The following CCDC170 variants were observed in gnomAD, a reference collection of about 807,000 sequenced individuals.
The protein encoded by CCDC170 is coiled-coil domain-containing protein 170.
A neutral mutation model predicts 72.6 loss-of-function variants in CCDC170; 69 were observed. The observed-to-expected ratio is 0.95, with a 90% CI of 0.78 to 1.16. CCDC170 has a LOEUF of 1.16. Ranked by LOEUF, CCDC170 falls within the 50% of genes most tolerant of loss-of-function variation. The probability of loss-of-function intolerance (pLI) is 0.00; values close to 1 mark genes in which losing one functional copy is unlikely to be tolerated. For synonymous variants in CCDC170, 300 were observed against 303.9 expected (o/e 0.99, Z 0.13); for missense variants, 852 against 832.5 (o/e 1.02, Z -0.29).
intron 1 of CCDC170, among the ~76,000 whole-genome samples, chr6:151,525,086 CTG>C (rs1375284611): frequency 5.3e-5 from 8 of 152,112 alleles, no homozygotes; most frequent in Non-Finnish European, 8.8e-5. Context: ...GTGCCCGCCA[CTG>C]CACCCAGCTA....
At chr6:151,557,086 A>G (rs58897627) in intron 5 of CCDC170, among the ~76,000 whole-genome samples, 7,924 of 152,200 alleles carry the variant, frequency 0.052, 299 homozygotes, top group East Asian at 0.21. Flanking sequence ...GTTTAATAGT[A>G]TTCCATTGTG....
chr6:151,598,656 A>G (rs1373084974), intron 9 of CCDC170, among the ~76,000 whole-genome samples: 2 of 152,208 alleles, frequency 1.3e-5, no homozygotes, highest in Non-Finnish European at 2.9e-5. Context: ...TAAAATCACA[A>G]GGACTTTCCT....
intron 5 of CCDC170, among the ~76,000 whole-genome samples, chr6:151,553,731 TA>T (rs977574171): frequency 0.015 from 2,159 of 147,856 alleles, 55 homozygotes; most frequent in African/African-American, 0.049. Context: ...ATAAAAATTG[TA>T]AAAAAAAAAA....
intron 6 of CCDC170, among the ~76,000 whole-genome samples, chr6:151,585,633 T>G (rs904152408): frequency 6.6e-6 from 1 of 152,198 alleles, no homozygotes; most frequent in Non-Finnish European, 1.5e-5. Context: ...TATCCATAAA[T>G]TTTTATTGAT....
chr6:151,617,663 G>T (rs192668719), intron 10 of CCDC170, among the ~76,000 whole-genome samples: 1 of 152,084 alleles, frequency 6.6e-6, no homozygotes, highest in Admixed American at 6.5e-5. Context: ...AGTGAGGTCT[G>T]GGTCTCATTC....
intron 7 of CCDC170, among the ~76,000 whole-genome samples, chr6:151,586,788 T>G (rs1455475505): frequency 6.6e-6 from 1 of 152,044 alleles, no homozygotes; most frequent in African/African-American, 2.4e-5. Context: ...TTATGTTTAT[T>G]ATTTCTATTT....
In CCDC170 at chr6:151,494,345, G is replaced by A. The variant is rs555165727; in HGVS notation, c.57+160G>A. Among the ~76,000 whole-genome samples the A allele has an allele frequency of 4.6e-5, 7 of 152,340 alleles. No homozygotes were observed. In the East Asian group the frequency reaches 1.4e-3, roughly 29 times the overall value. ...AGGGCTGTGGCCTGGGACTGCCAGG[G>A]CGCTGATTTCAGGAGGGGATGGGCA... On this transcript the variant is annotated intron_variant, in intron 1 of 10. Transcript: ENST00000239374.
intron 1 of CCDC170, among the ~76,000 whole-genome samples, chr6:151,529,485 CG>C (rs1353447890): frequency 2.6e-5 from 4 of 152,022 alleles, no homozygotes; most frequent in African/African-American, 9.6e-5. Flanking sequence ...GGTGAAACCC[CG>C]TCTCCACTAA....
In CCDC170 at chr6:151,520,926, G is replaced by T. The variant is rs568938985; in HGVS notation, c.58-15392G>T. On this transcript the variant is annotated intron_variant, in intron 1 of 10. Coordinates refer to ENST00000239374, the MANE Select transcript of CCDC170 (RefSeq NM_025059.4). ...TGATTTGAGTAATAAGAAAACTCTG[G>T]TCTCCTGCACAACCAGCTCTGCATG... Among the ~76,000 whole-genome samples the T allele has an allele frequency of 2.8e-4, 43 of 152,210 alleles. 1 individual carries two copies. The highest frequency in any genetic ancestry group is 8.7e-4 in the African/African-American group (36 of 41,532).
chr6:151,597,357 A>G (rs1210698117), intron 9 of CCDC170, among the ~76,000 whole-genome samples: 1 of 151,826 alleles, frequency 6.6e-6, no homozygotes, highest in Non-Finnish European at 1.5e-5. Flanking sequence ...CCAACTTCTG[A>G]CCTCAAGTGA....
chr6:151,586,025 A>C lies in CCDC170; in HGVS notation c.1229A>C (p.His410Pro). The C allele has an allele frequency of 6.2e-7, 1 of 1,614,222 alleles. No individual in the cohort carries two copies. Among genetic ancestry groups the C allele is most frequent in the Non-Finnish European group, 8.5e-7 (1 of 1,180,026 alleles). ...GAGACTCTTCAGGGTCAGCTGACAC[A>C]CCTGGAGGCAGAGCTGGTTTCTGGA... is the stretch of plus-strand genomic sequence containing the variant. ...MLETLQGQLTHLEAELVSGGV... is the reference protein window; with the variant it reads ...MLETLQGQLTPLEAELVSGGV... Residue 410 changes from histidine (H) to proline (P), a missense_variant, in exon 7 of 11, where the codon CAC becomes CCC. Physicochemically the swap from His to Pro is moderately conservative, Grantham distance 77 (BLOSUM62 -2). Coordinates refer to ENST00000239374, the MANE Select transcript of CCDC170 (RefSeq NM_025059.4).
intron 3 of CCDC170, among the ~76,000 whole-genome samples, chr6:151,539,781 T>C (rs1294925323): frequency 6.6e-6 from 1 of 152,150 alleles, no homozygotes; most frequent in Non-Finnish European, 1.5e-5. Context: ...AAACTTAATG[T>C]GTCCAAAACG....
At chr6:151,509,209 T>TCTATCTATCTATCTAC (rs1238846854) in intron 1 of CCDC170, among the ~76,000 whole-genome samples, 2 of 122,888 alleles carry the variant, frequency 1.6e-5, no homozygotes, top group African/African-American at 8.2e-5. Context: ...CTCTGTCTCA[T>TCTATCTATCTATCTAC]CTATCTATCT....
intron 1 of CCDC170, among the ~76,000 whole-genome samples, chr6:151,495,554 T>A (rs1467205434): frequency 6.6e-6 from 1 of 152,122 alleles, no homozygotes; most frequent in East Asian, 1.9e-4. Flanking sequence ...TCGAGTGCAG[T>A]GGCACGATCT....
chr6:151,542,011 C>G (rs1782699602), intron 3 of CCDC170, among the ~76,000 whole-genome samples: 2 of 150,762 alleles, frequency 1.3e-5, no homozygotes, highest in Admixed American at 6.6e-5. Flanking sequence ...TCTTGAGTAG[C>G]TGGGATTACA....
chr6:151,574,390 G>A (rs1776272258), intron 6 of CCDC170, among the ~76,000 whole-genome samples: 1 of 152,162 alleles, frequency 6.6e-6, no homozygotes, highest in African/African-American at 2.4e-5. Flanking sequence ...AGGTTCTTGA[G>A]TTTACGGCCT....
intron 5 of CCDC170, among the ~76,000 whole-genome samples, chr6:151,563,502 C>A (rs1369956224): frequency 6.6e-6 from 1 of 152,148 alleles, no homozygotes; most frequent in South Asian, 2.1e-4. Context: ...GTCCCCTGCA[C>A]CTGCCAAAGT....
chr6:151,582,411 A>T (rs1017183363), intron 6 of CCDC170, among the ~76,000 whole-genome samples: 33 of 152,158 alleles, frequency 2.2e-4, no homozygotes, highest in African/African-American at 7.2e-4. Context: ...CTTAGGCTTC[A>T]TAGATTTAAG....
intron 3 of CCDC170, among the ~76,000 whole-genome samples, chr6:151,538,687 A>G (rs1163051570): frequency 2.6e-5 from 4 of 152,196 alleles, no homozygotes; most frequent in Non-Finnish European, 4.4e-5. Flanking sequence ...ACCACTCCAG[A>G]TCACACTGAA....
Sources: gnomAD v4.1 joint callset for allele counts (sites outside exome capture counted in the v4.1 genomes callset) on GRCh38, gnomAD v4.1.1 for gene constraint, MANE v1.5 for transcripts, NCBI Gene and HGNC (gene_info 2026-07-23, HGNC 2026-07-21) for gene names.